Variants in ASB13 observed in about 807,000 individuals in gnomAD.
ASB13 encodes ankyrin repeat and SOCS box protein 13.
In ASB13, 33 loss-of-function variants were observed where a neutral mutation model predicts 28.8. The observed-to-expected ratio is 1.15, with a 90% CI of 0.87 to 1.53. The LOEUF (loss-of-function observed/expected upper bound fraction) is 1.53, where lower values mean the gene tolerates loss of function less well. ASB13 is among the 40% of genes most tolerant of loss of function. The pLI is 0.00. For missense variants in ASB13, 414 were observed against 390.1 expected (o/e 1.06, Z -0.52); for synonymous variants, 182 against 172.9 (o/e 1.05, Z -0.41).
Position 5,642,957 on chromosome 10 carries a change from G to A in ASB13, c.518-996C>T, listed in dbSNP as rs1834833421. Among the ~76,000 whole-genome samples the A allele has an allele frequency of 6.6e-6, 1 of 152,086 alleles. No individual in the cohort carries two copies. Among genetic ancestry groups the A allele is most frequent in the Non-Finnish European group, 1.5e-5 (1 of 68,018 alleles). ...AAATTTTGATAAAAATATGATTTTT[G>A]TAACACATCATTCTTAGGGCACAGC... is the stretch of plus-strand genomic sequence containing the variant. On this transcript the variant is annotated intron_variant, in intron 4 of 5. Transcript: ENST00000357700. The surrounding 1 kb of genome is among the most constrained non-coding windows in gnomAD (Gnocchi z 4.1).
rs1438604879 is a variant in ASB13 at position 5,651,579 on chromosome 10, T to C, written c.232-216A>G. On this transcript the variant is annotated intron_variant, in intron 2 of 5. Coordinates refer to ENST00000357700, the MANE Select transcript of ASB13 (RefSeq NM_024701.4). The surrounding 1 kb of genome is among the most constrained non-coding windows in gnomAD (Gnocchi z 5.1). ...GAAGTCATCTCGTTCAGGATTCTTT[T>C]CTCTCAGGGCAGGATAAGCTCAGCA... 2 of 535,710 alleles carry C rather than the reference T, an allele frequency of 3.7e-6. No individual in the cohort carries two copies. The highest frequency in any genetic ancestry group is 2.3e-5 in the South Asian group (1 of 42,578). The allele number at this position is 535,710 out of a possible 1,614,324, so 33.2% of individuals were successfully genotyped here. A position where few individuals can be genotyped will look rare whatever the true frequency, so the allele number is the denominator to read the frequency against.
At position 5,642,590 on chromosome 10, in the gene ASB13, A is replaced by T. The variant is rs12268809; in HGVS notation, c.518-629T>A. ...TAAAGGTAAAAAAAAATTTTTTTTTAAAAAAAAGAGCAGACATTCAGAAAG... is the reference window on the plus strand; with the variant it reads ...TAAAGGTAAAAAAAAATTTTTTTTTTAAAAAAAGAGCAGACATTCAGAAAG... On this transcript the variant is annotated intron_variant, in intron 4 of 5. Coordinates refer to ENST00000357700, the MANE Select transcript of ASB13 (RefSeq NM_024701.4). The surrounding 1 kb of genome is among the most constrained non-coding windows in gnomAD (Gnocchi z 4.1). The T allele has an allele frequency of 0.12, 133,874 of 1,079,684 alleles. 8,869 individuals are homozygous for T. Among genetic ancestry groups the T allele is most frequent in the Admixed American group, 0.29 (8,407 of 29,366 alleles). The allele number at this position is 1,079,684 out of a possible 1,614,324, so 66.9% of individuals were successfully genotyped here.
rs1446804913 is a variant in ASB13, at chr10:5,664,473, C to T, written c.43+2036G>A. Among the ~76,000 whole-genome samples the T allele has an allele frequency of 6.6e-6, 1 of 151,922 alleles. No homozygotes were observed. ...GCAAGACATTACACAAAAAGAGAAA[C>T]ATAGTCCCCACATAGCAAGTGGCTC... is the stretch of plus-strand genomic sequence containing the variant. On this transcript the variant is annotated intron_variant, in intron 1 of 5. Transcript: ENST00000357700. This position sits in a 1 kb window ranked among gnomAD's most constrained non-coding sequence, Gnocchi z 4.2.
Position 5,658,811 on chromosome 10 carries a change from A to G in ASB13, c.44-5761T>C, listed in dbSNP as rs921797325. 2.2e-4 allele frequency among the ~76,000 whole-genome samples: 33 copies of G among 152,206 alleles called. No homozygotes were observed. The highest frequency in any genetic ancestry group is 8.0e-4 in the African/African-American group (33 of 41,444). On this transcript the variant is annotated intron_variant, in intron 1 of 5. Coordinates refer to ENST00000357700, the MANE Select transcript of ASB13 (RefSeq NM_024701.4). The surrounding 1 kb of genome is among the most constrained non-coding windows in gnomAD (Gnocchi z 4.2). ...GGACTGTCACCCGCAGGCTGTCCTC[A>G]TAGGAGATTTACAGTGGGGAAGGGA...
At position 5,660,345 on chromosome 10, in the gene ASB13, C is replaced by G. The variant is rs544416791; in HGVS notation, c.43+6164G>C. On this transcript the variant is annotated intron_variant, in intron 1 of 5. Coordinates refer to ENST00000357700, the MANE Select transcript of ASB13 (RefSeq NM_024701.4). This position sits in a 1 kb window ranked among gnomAD's most constrained non-coding sequence, Gnocchi z 6.1. ...ACCTTTCTGGACCCCAGCTCCTCTT[C>G]CCCTCTCTTGCCCCTTTGCTGGGGC... Among the ~76,000 whole-genome samples the G allele has an allele frequency of 1.3e-5, 2 of 152,206 alleles. No individual in the cohort carries two copies.
chr10:5,648,899 C>T (rs1192414952), intron 4 of ASB13, 71 bp downstream of exon 4: 93 of 1,591,172 alleles, frequency 5.8e-5, no homozygotes, highest in Non-Finnish European at 7.8e-5. Flanking sequence ...GGCAAACACC[C>T]ACGCAGGTAA....
intron 4 of ASB13, among the ~76,000 whole-genome samples, chr10:5,646,857 C>A (rs2131444378): frequency 6.6e-6 from 1 of 152,336 alleles, no homozygotes; most frequent in Non-Finnish European, 1.5e-5. Flanking sequence ...ACGCACTGCG[C>A]TGTGTTCATA....
chr10:5,661,225 C>T lies in ASB13; in HGVS notation c.43+5284G>A, dbSNP rs1835160532. Among the ~76,000 whole-genome samples, 1 of 152,138 alleles carries T rather than the reference C, an allele frequency of 6.6e-6. No homozygotes were observed. The highest frequency in any genetic ancestry group is 2.4e-5 in the African/African-American group (1 of 41,428). ...ACTGCAGAGCTGGGCACCTCCAGAG[C>T]CCATCCTCCACACTGCCCTGCCTGC... On this transcript the variant is annotated intron_variant, in intron 1 of 5. Transcript: ENST00000357700. The surrounding 1 kb of genome is among the most constrained non-coding windows in gnomAD (Gnocchi z 4.9).
intron 4 of ASB13, among the ~76,000 whole-genome samples, chr10:5,648,146 A>C (rs377516044): frequency 2.6e-3 from 271 of 103,338 alleles, no homozygotes; most frequent in African/African-American, 4.2e-3. Flanking sequence ...CAGGTAAACA[A>C]CCACGCGGGT....
rs1365117786 is a variant in ASB13, at chr10:5,640,799, C to G, written c.741G>C (p.Arg247Ser). The part of the protein sequence containing the change: ...KTPLTLSQLC[R>S]VNLRKATGVR... ...CGCCAGTGGCCTTCCTCAAGTTCACCCTGCAGAGCTGTGACAGAGTCAGAG... is the reference window on the plus strand; with the variant it reads ...CGCCAGTGGCCTTCCTCAAGTTCACGCTGCAGAGCTGTGACAGAGTCAGAG... Residue 247 changes from arginine (R) to serine (S), a missense_variant, in exon 6 of 6, where the codon AGG becomes AGC. Physicochemically the swap from Arg to Ser is moderately radical, Grantham distance 110 (BLOSUM62 -1). Transcript: ENST00000357700. 6.2e-7 allele frequency: 1 copy of G among 1,614,124 alleles called. No homozygotes were observed. The highest frequency in any genetic ancestry group is 1.3e-5 in the African/African-American group (1 of 75,032).
At chr10:5,648,666 GC>G (rs1314701147) in intron 4 of ASB13, among the ~76,000 whole-genome samples, 2 of 150,588 alleles carry the variant, frequency 1.3e-5, no homozygotes, top group African/African-American at 2.5e-5. Flanking sequence ...ACCCACTCGG[GC>G]AAACACCCCC....
chr10:5,650,562 C>T lies in ASB13; in HGVS notation c.382+651G>A, dbSNP rs976745843. Among the ~76,000 whole-genome samples the T allele has an allele frequency of 9.2e-5, 14 of 152,272 alleles. No individual in the cohort carries two copies. The highest frequency in any genetic ancestry group is 5.9e-5 in the Non-Finnish European group (4 of 68,044). On this transcript the variant is annotated intron_variant, in intron 3 of 5. Coordinates refer to ENST00000357700, the MANE Select transcript of ASB13 (RefSeq NM_024701.4). The surrounding 1 kb of genome is among the most constrained non-coding windows in gnomAD (Gnocchi z 6.0). ...AGATATAAGCCACAGTTTGCAACCT[C>T]TGCTCGAAAGAGTAGAATCTAAACT...
chr10:5,664,284 G>C lies in ASB13; in HGVS notation c.43+2225C>G, dbSNP rs893719641. On this transcript the variant is annotated intron_variant, in intron 1 of 5. Transcript: ENST00000357700. This position sits in a 1 kb window ranked among gnomAD's most constrained non-coding sequence, Gnocchi z 4.2. ...AGGCAGAGCTGGAAGACCCAAGGCT[G>C]CAGGGCACACGTCTCCAAACACTGA... Among the ~76,000 whole-genome samples, 1 of 150,564 alleles carries C rather than the reference G, an allele frequency of 6.6e-6. No individual in the cohort carries two copies. The highest frequency in any genetic ancestry group is 2.5e-5 in the African/African-American group (1 of 40,714).
At chr10:5,662,531 A>AAGGGG (rs1379892078) in intron 1 of ASB13, among the ~76,000 whole-genome samples, 187 of 1,096 alleles carry the variant, frequency 0.17, 13 homozygotes, top group Middle Eastern at 0.33. Context: ...CTCTGTCGAG[A>AAGGGG]AGGGGGGGGG....
In ASB13 at chr10:5,644,436, C is replaced by T. The variant is rs1031833252; in HGVS notation, c.518-2475G>A. 2.0e-5 allele frequency among the ~76,000 whole-genome samples: 3 copies of T among 152,120 alleles called. No homozygotes were observed. The highest frequency in any genetic ancestry group is 7.2e-5 in the African/African-American group (3 of 41,414). ...ACTTGAGCCCGGGAGGTTGAGGCTGCAGCAAGCCACGATCGTACCACTGCA... is the reference window on the plus strand; with the variant it reads ...ACTTGAGCCCGGGAGGTTGAGGCTGTAGCAAGCCACGATCGTACCACTGCA... On this transcript the variant is annotated intron_variant, in intron 4 of 5. Transcript: ENST00000357700. The surrounding 1 kb of genome is among the most constrained non-coding windows in gnomAD (Gnocchi z 5.1).
rs1368225952 is a variant in ASB13, at chr10:5,664,037, G to A, written c.43+2472C>T. Among the ~76,000 whole-genome samples the A allele has an allele frequency of 1.3e-5, 2 of 152,266 alleles. No individual in the cohort carries two copies. Among genetic ancestry groups the A allele is most frequent in the South Asian group, 2.1e-4 (1 of 4,818 alleles). ...AAACAAGTAGAAAACAAACAGGCTG[G>A]GGAGTGATTTCCAGACCATCGGGGG... On this transcript the variant is annotated intron_variant, in intron 1 of 5. Transcript: ENST00000357700. This position sits in a 1 kb window ranked among gnomAD's most constrained non-coding sequence, Gnocchi z 4.2.
At position 5,639,499 on chromosome 10, in the gene ASB13, C is replaced by T. The variant is rs1371581416; in HGVS notation, c.*1204G>A. 1 of 152,256 alleles carries T rather than the reference C, an allele frequency of 6.6e-6. No individual in the cohort carries two copies. 9.4% of individuals were successfully genotyped at this position (152,256 alleles called of 1,614,324 possible). On this transcript the variant is annotated 3_prime_UTR_variant, in exon 6 of 6. Transcript: ENST00000357700. ...TCATGCAAAGTCCTCCAGTTTAACT[C>T]CCTGTTGTGGGCGGGGTTCTTAAAA... is the stretch of plus-strand genomic sequence containing the variant.
In ASB13 at chr10:5,640,063, T is replaced by G. The variant is rs1834781093; in HGVS notation, c.*640A>C. 2 of 152,668 alleles carry G rather than the reference T, an allele frequency of 1.3e-5. No homozygotes were observed. Among genetic ancestry groups the G allele is most frequent in the Non-Finnish European group, 2.9e-5 (2 of 68,082 alleles). 9.5% of individuals were successfully genotyped at this position (152,668 alleles called of 1,614,324 possible). On this transcript the variant is annotated 3_prime_UTR_variant, in exon 6 of 6. Transcript: ENST00000357700. ...TTGTGGGGAATACAAAGCCAGGGCC[T>G]TCCCCCACAAAGACCCATAGAAAGT...
In ASB13 at chr10:5,664,312, C is replaced by A. The variant is rs1008574391; in HGVS notation, c.43+2197G>T. The stretch of plus-strand genomic sequence containing the variant: ...GGGCACACGTCTCCAAACACTGAAC[C>A]AGGAGAGAGAGAACACAGGACTCAT... On this transcript the variant is annotated intron_variant, in intron 1 of 5. Transcript: ENST00000357700. This position sits in a 1 kb window ranked among gnomAD's most constrained non-coding sequence, Gnocchi z 4.2. 3.3e-5 allele frequency among the ~76,000 whole-genome samples: 5 copies of A among 151,446 alleles called. No homozygotes were observed. The highest frequency in any genetic ancestry group is 7.4e-5 in the Non-Finnish European group (5 of 67,898).
Sources: allele counts gnomAD v4.1 joint callset (sites outside exome capture counted in the v4.1 genomes callset), GRCh38; gene constraint gnomAD v4.1.1; non-coding constraint Gnocchi (gnomAD v3.1); transcripts MANE v1.5; gene names NCBI Gene and HGNC (gene_info 2026-07-23, HGNC 2026-07-21).